RANBP2: variants seen among roughly 807,000 people sequenced by gnomAD.
RANBP2 encodes the protein RAN binding protein 2, also known as E3 SUMO-protein ligase RanBP2.
Under a neutral mutation model 303.6 loss-of-function variants are expected in RANBP2, and 57 were observed. That is an observed-to-expected ratio of 0.19 (90% CI 0.15 to 0.23). RANBP2 has a LOEUF of 0.23. Ranked by LOEUF, RANBP2 falls within the 10% of genes least tolerant of loss-of-function variation. The pLI is 1.00. For synonymous variants in RANBP2, 1,167 were observed against 1,301.5 expected (o/e 0.90, Z 2.23); for missense variants, 3,138 against 3,780.8 (o/e 0.83, Z 4.46).
the RANBP2 span, among the ~76,000 whole-genome samples, chr2:109,520,935 CA>C: frequency 0.034 from 4,064 of 118,050 alleles, 233 homozygotes; most frequent in African/African-American, 0.11. Flanking sequence ...GACTCCATCT[CA>C]AAAAAAAAAA....
chr2:108,985,927 G>A, the RANBP2 span, among the ~76,000 whole-genome samples: 1 of 152,178 alleles, frequency 6.6e-6, no homozygotes, highest in Admixed American at 6.5e-5. Flanking sequence ...GGTGTGCTAT[G>A]ACTGAAGACA....
the RANBP2 span, among the ~76,000 whole-genome samples, chr2:109,138,821 C>T: frequency 1.3e-5 from 2 of 152,218 alleles, no homozygotes; most frequent in Non-Finnish European, 2.9e-5. Flanking sequence ...TCAGTCCACA[C>T]ATATGTACTG....
the RANBP2 span, among the ~76,000 whole-genome samples, chr2:109,541,309 C>T: frequency 2.0e-5 from 3 of 152,176 alleles, no homozygotes; most frequent in African/African-American, 2.4e-5. Context: ...GTCTGTAAGA[C>T]GTTATAATTG....
the RANBP2 span, among the ~76,000 whole-genome samples, chr2:109,639,410 A>G: frequency 6.6e-6 from 1 of 152,052 alleles, no homozygotes; most frequent in Non-Finnish European, 1.5e-5. Context: ...CAAGAGATCA[A>G]GAGATCTAGA....
the RANBP2 span, among the ~76,000 whole-genome samples, chr2:109,111,349 G>A: frequency 6.6e-6 from 1 of 152,142 alleles, no homozygotes; most frequent in Admixed American, 6.5e-5. Context: ...GACTGGGAAT[G>A]GTGTTATACA....
the RANBP2 span, among the ~76,000 whole-genome samples, chr2:109,324,921 C>T: frequency 6.6e-6 from 1 of 152,236 alleles, no homozygotes; most frequent in East Asian, 1.9e-4. Context: ...AAACCCTCTC[C>T]TCTTGCCATT....
At chr2:109,565,901 T>A in the RANBP2 span, 1 of 1,467,276 alleles carries the variant, frequency 6.8e-7, no homozygotes, top group South Asian at 1.1e-5. Context: ...ACCACTGTGA[T>A]AACTGACTAG....
At chr2:109,695,387 C>G in the RANBP2 span, among the ~76,000 whole-genome samples, 1 of 152,146 alleles carries the variant, frequency 6.6e-6, no homozygotes, top group African/African-American at 2.4e-5. Flanking sequence ...AATTTTGAGA[C>G]TCTGGATCCT....
chr2:109,194,596 G>A, the RANBP2 span, among the ~76,000 whole-genome samples: 4 of 152,198 alleles, frequency 2.6e-5, no homozygotes, highest in African/African-American at 9.6e-5. Context: ...GGTAGGGAGG[G>A]CAGGCACATA....
At chr2:109,266,608 A>G in the RANBP2 span, among the ~76,000 whole-genome samples, 1 of 151,704 alleles carries the variant, frequency 6.6e-6, no homozygotes, top group Admixed American at 6.6e-5. Context: ...CTTGGAGTGC[A>G]GAGCAGGGCT....
the RANBP2 span, among the ~76,000 whole-genome samples, chr2:109,538,874 C>T: frequency 0.13 from 20,442 of 152,222 alleles, 1,844 homozygotes; most frequent in African/African-American, 0.26. Context: ...TAATCTTCTA[C>T]ACAAATTTGT....
rs1435092721 is a variant in RANBP2 at position 108,781,329 on chromosome 2, C to G, written c.8660C>G (p.Thr2887Ser). The G allele has an allele frequency of 6.2e-7, 1 of 1,614,108 alleles. No individual in the cohort carries two copies. Among genetic ancestry groups the G allele is most frequent in the Admixed American group, 1.7e-5 (1 of 60,024 alleles). Reference sequence around the variant, plus strand: ...GTGTTTGGAACACAGTCAGTCGGAACCCAGTCAGCCGGTAAAGTTGGTGAA... The same window carrying G: ...GTGTTTGGAACACAGTCAGTCGGAAGCCAGTCAGCCGGTAAAGTTGGTGAA... ...AAVFGTQSVG[T>S]QSAGKVGEDE... Residue 2887 changes from threonine to serine, a missense_variant, in exon 26 of 29, where the codon ACC (threonine) becomes AGC (serine). Coordinates refer to ENST00000283195, the MANE Select transcript of RANBP2 (RefSeq NM_006267.5).
chr2:108,769,282 A>T (rs1182273128), intron 20 of RANBP2: 1 of 984,946 alleles, frequency 1.0e-6, no homozygotes, highest in East Asian at 1.1e-4. Flanking sequence ...GCCTTTTTAA[A>T]TCTAATCCCA....
the RANBP2 span, among the ~76,000 whole-genome samples, chr2:109,335,797 C>G: frequency 2.0e-5 from 3 of 152,210 alleles, no homozygotes; most frequent in African/African-American, 7.2e-5. Flanking sequence ...CCTAAAACCA[C>G]TTCCTACCTT....
chr2:108,930,773 G>A, the RANBP2 span, among the ~76,000 whole-genome samples: 2 of 152,190 alleles, frequency 1.3e-5, no homozygotes, highest in African/African-American at 2.4e-5. Flanking sequence ...AGCTACCAAC[G>A]AAATCAATGT....
chr2:109,589,195 T>C, the RANBP2 span, among the ~76,000 whole-genome samples: 1 of 151,980 alleles, frequency 6.6e-6, no homozygotes, highest in Non-Finnish European at 1.5e-5. Flanking sequence ...CAGGCTGGAG[T>C]GCAGTCGTGC....
At chr2:109,207,198 G>T in the RANBP2 span, among the ~76,000 whole-genome samples, 1 of 152,168 alleles carries the variant, frequency 6.6e-6, no homozygotes, top group African/African-American at 2.4e-5. Flanking sequence ...CTCATCTTGT[G>T]CAAACAGGTC....
the RANBP2 span, among the ~76,000 whole-genome samples, chr2:109,154,085 A>G: frequency 1.4e-4 from 21 of 152,294 alleles, no homozygotes; most frequent in East Asian, 3.7e-3. Context: ...AACACTGTCA[A>G]TATGCTGTGG....
the RANBP2 span, among the ~76,000 whole-genome samples, chr2:109,403,281 T>C: frequency 6.6e-6 from 1 of 152,300 alleles, no homozygotes; most frequent in African/African-American, 2.4e-5. Flanking sequence ...AGTTTGCCTG[T>C]CCCCCATCTC....
Sources: allele counts gnomAD v4.1 joint callset (sites outside exome capture counted in the v4.1 genomes callset), GRCh38; gene constraint gnomAD v4.1.1; transcripts MANE v1.5; gene names NCBI Gene and HGNC (gene_info 2026-07-23, HGNC 2026-07-21).